DTX2: variants seen among roughly 807,000 people sequenced by gnomAD.
DTX2 encodes probable E3 ubiquitin-protein ligase DTX2.
Under a neutral mutation model 55.3 loss-of-function variants are expected in DTX2, and 29 were observed. The observed-to-expected ratio is 0.52, with a 90% CI of 0.39 to 0.71. DTX2 has a LOEUF of 0.71. Among genes scored for constraint, DTX2 ranks in the 30% least tolerant of loss-of-function variants. The probability of loss-of-function intolerance (pLI) is 0.00; values close to 1 mark genes in which losing one functional copy is unlikely to be tolerated. For synonymous variants in DTX2, 276 were observed against 340.4 expected, an observed-to-expected ratio of 0.81 and a Z score of 2.08; for missense variants, 537 against 822.5, an observed-to-expected ratio of 0.65 and a Z score of 4.25.
At chr7:76,467,911 C>A (rs1807351675) in intron 2 of DTX2, among the ~76,000 whole-genome samples, 1 of 152,282 alleles carries the variant, frequency 6.6e-6, no homozygotes, top group South Asian at 2.1e-4. Flanking sequence ...GGGCATGAAA[C>A]ATCCTGACCT....
At chr7:76,464,848 T>C (rs1229606883) in intron 2 of DTX2, among the ~76,000 whole-genome samples, 1 of 151,194 alleles carries the variant, frequency 6.6e-6, no homozygotes, top group East Asian at 1.9e-4. Context: ...GCTTATAGTC[T>C]AGTTGAAGAG....
At chr7:76,502,087 G>A (rs553829288) in intron 7 of DTX2, 10 of 543,132 alleles carry the variant, frequency 1.8e-5, no homozygotes, top group Admixed American at 6.2e-5. Context: ...GGGTTTTCCC[G>A]TGTTGGCCAG....
chr7:76,499,369 C>T (rs933976579), intron 6 of DTX2, among the ~76,000 whole-genome samples: 1 of 149,572 alleles, frequency 6.7e-6, no homozygotes, highest in Non-Finnish European at 1.5e-5. Flanking sequence ...CCAGCCTCCA[C>T]CCCACCACGC....
At chr7:76,477,696 G>A (rs1808701262) in intron 2 of DTX2, among the ~76,000 whole-genome samples, 1 of 137,322 alleles carries the variant, frequency 7.3e-6, no homozygotes, top group Non-Finnish European at 1.6e-5. Context: ...TGCTCGGGAG[G>A]TGGAGGCAGG....
At chr7:76,463,085 AAACT>A (rs1457214912) in intron 1 of DTX2, among the ~76,000 whole-genome samples, 5 of 118,586 alleles carry the variant, frequency 4.2e-5, no homozygotes, top group African/African-American at 1.9e-4. Context: ...AAAAACAAAC[AAACT>A]AAAAAAACGA....
At chr7:76,471,484 G>A (rs1192809432) in intron 2 of DTX2, among the ~76,000 whole-genome samples, 1 of 150,330 alleles carries the variant, frequency 6.7e-6, no homozygotes, top group Non-Finnish European at 1.5e-5. Flanking sequence ...TTCTGAGGGA[G>A]GAGCAAAGGG....
At chr7:76,468,991 C>T (rs1807532967) in intron 2 of DTX2, among the ~76,000 whole-genome samples, 1 of 115,684 alleles carries the variant, frequency 8.6e-6, no homozygotes, top group Admixed American at 9.1e-5. Context: ...TCTCAAACTC[C>T]TGGCCTCAAA....
chr7:76,503,346 C>T lies in DTX2; in HGVS notation c.1390-80C>T, dbSNP rs988699676. On this transcript the variant is annotated intron_variant, in intron 8 of 10. Transcript: ENST00000430490. ...TGGTGGCCAGCCCATTCCCGGGGCC[C>T]TTTACCATCTGACGGTGGAGGTGAC... 5 of 1,499,052 alleles carry T rather than the reference C, an allele frequency of 3.3e-6. No individual in the cohort carries two copies. In the African/African-American group the frequency reaches 4.1e-5, roughly 12 times the overall value. The allele number at this position is 1,499,052 out of a possible 1,614,324, so 92.9% of individuals were successfully genotyped here.
At chr7:76,494,307 A>C (rs1034178379) in intron 5 of DTX2, among the ~76,000 whole-genome samples, 3 of 91,720 alleles carry the variant, frequency 3.3e-5, no homozygotes, top group Non-Finnish European at 7.1e-5. Context: ...AGCAAGACAC[A>C]CTGGCCAGAA....
At chr7:76,481,687 G>C (rs994272011) in intron 3 of DTX2, among the ~76,000 whole-genome samples, 4 of 152,142 alleles carry the variant, frequency 2.6e-5, no homozygotes, top group African/African-American at 9.7e-5. Context: ...GTGGAGGCCA[G>C]GGATGCTGCT....
At chr7:76,502,182 A>C in intron 7 of DTX2, 116 bp from the exon 8 acceptor site, 2 of 1,035,630 alleles carry the variant, frequency 1.9e-6, no homozygotes, top group Non-Finnish European at 2.8e-6. Context: ...TGGCCTCGGA[A>C]TTGACTTTGA....
At chr7:76,474,416 C>T (rs1808315072) in intron 2 of DTX2, among the ~76,000 whole-genome samples, 1 of 151,740 alleles carries the variant, frequency 6.6e-6, no homozygotes, top group Admixed American at 6.6e-5. Context: ...TTGTAAAAGT[C>T]TGGAAACCCA....
intron 8 of DTX2, chr7:76,502,731 TTCTCTGAGCCCCAGGGCACCG>T (rs2116620453): frequency 2.0e-6 from 1 of 504,440 alleles, no homozygotes; most frequent in East Asian, 3.0e-5. Flanking sequence ...GATTCTGGGC[TTCTCTGAGCCCCAGGGCACCG>T]CCTCCCCCTC....
At position 76,482,599 on chromosome 7, in the gene DTX2, C is replaced by G. The variant is rs746434863; in HGVS notation, c.360C>G (p.Ser120=). 2.6e-5 allele frequency: 42 copies of G among 1,613,712 alleles called. No individual in the cohort carries two copies. The East Asian group carries it at 9.1e-4, about 35-fold the overall frequency. The part of the protein sequence containing the change: ...VVWEWLSDDG[S]WTAYEASVCD... ...GGGAGTGGCTGAGCGACGATGGCTC[C>G]TGGACTGCCTATGAAGCCAGCGTCT... Residue 120 remains serine (S), a synonymous_variant, in exon 4 of 11, where the codon TCC becomes TCG. Transcript: ENST00000430490.
At position 76,501,741 on chromosome 7, in the gene DTX2, C is replaced by T. The variant is rs555631457; in HGVS notation, c.1231-557C>T. ...CAATTCCTGTCTCCCTTGTAAGACC[C>T]CACGCCGAGGGCCTCCCCCAGGATC... On this transcript the variant is annotated intron_variant, in intron 7 of 10. Transcript: ENST00000430490. The T allele has an allele frequency of 3.8e-4, 72 of 191,014 alleles. 1 individual carries two copies. The South Asian group carries it at 3.8e-3, about 10-fold the overall frequency. 11.8% of individuals were successfully genotyped at this position (191,014 alleles called of 1,614,324 possible).
chr7:76,497,773 G>T (rs1228072905), intron 6 of DTX2, among the ~76,000 whole-genome samples: 2 of 150,608 alleles, frequency 1.3e-5, no homozygotes, highest in East Asian at 2.0e-4. Flanking sequence ...GAGAGGCGGC[G>T]CCCGGCTCAG....
At chr7:76,482,472 C>G in intron 3 of DTX2, 36 bp from the exon 4 acceptor site, 1 of 1,539,212 alleles carries the variant, frequency 6.5e-7, no homozygotes, top group Non-Finnish European at 8.7e-7. Flanking sequence ...CTTGGGGATG[C>G]TAGCAGACTA....
chr7:76,463,884 TTAAC>T (rs1806870529), intron 2 of DTX2, among the ~76,000 whole-genome samples, 175 bp downstream of exon 2: 6 of 145,386 alleles, frequency 4.1e-5, no homozygotes, highest in South Asian at 2.3e-4. Context: ...CTTCTCCTGT[TTAAC>T]TAACTAGTCT....
In DTX2 at chr7:76,488,202, C is replaced by T. The variant is rs1432192375; in HGVS notation, c.909-3951C>T. Among the ~76,000 whole-genome samples, 5 of 84,888 alleles carry T rather than the reference C, an allele frequency of 5.9e-5. 1 individual carries two copies. Among genetic ancestry groups the T allele is most frequent in the Non-Finnish European group, 1.2e-4 (5 of 41,716 alleles). The allele number at this position is 84,888 out of a possible 152,430, so 55.7% of individuals were successfully genotyped here. A position where few individuals can be genotyped will look rare whatever the true frequency, so the allele number is the denominator to read the frequency against. ...CAGGGTGAGCGCCCACTGGAAGCCT[C>T]GCTGTGCTTCTGCTTTCTCCTGTAG... On this transcript the variant is annotated intron_variant, in intron 4 of 10. Transcript: ENST00000430490.
Sources: gnomAD v4.1 joint callset for allele counts (sites outside exome capture counted in the v4.1 genomes callset) on GRCh38, gnomAD v4.1.1 for gene constraint, MANE v1.5 for transcripts, NCBI Gene and HGNC (gene_info 2026-07-23, HGNC 2026-07-21) for gene names.